Variants in C6orf62 observed in about 807,000 individuals in gnomAD.
The protein encoded by C6orf62 is uncharacterized protein C6orf62.
In C6orf62, 16 loss-of-function variants were observed where a neutral mutation model predicts 26.8. That is an observed-to-expected ratio of 0.60 (90% CI 0.40 to 0.91). The LOEUF is 0.91. Among genes scored for constraint, C6orf62 ranks in the 40% least tolerant of loss-of-function variants. The pLI, the probability that C6orf62 is intolerant of heterozygous loss-of-function variation, is 0.00. For missense variants in C6orf62, 192 were observed against 271.4 expected, an observed-to-expected ratio of 0.71 and a Z score of 2.06; for synonymous variants, 112 against 91.5, an observed-to-expected ratio of 1.22 and a Z score of -1.28.
rs1171718636 is a variant in C6orf62, at chr6:24,705,594, C to T, written c.*543G>A. On this transcript the variant is annotated 3_prime_UTR_variant, in exon 5 of 5. Transcript: ENST00000378119. ...AATGCCTACAATGAGATGCGTTTTT[C>T]ATTTAAGATTTCTTTCCCATGGTTG... 1 of 152,500 alleles carries T rather than the reference C, an allele frequency of 6.6e-6. No homozygotes were observed. The highest frequency in any genetic ancestry group is 1.5e-5 in the Non-Finnish European group (1 of 68,000). 9.4% of individuals were successfully genotyped at this position (152,500 alleles called of 1,614,324 possible).
chr6:24,716,331 G>A lies in C6orf62; in HGVS notation c.130-7C>T, dbSNP rs768505314. On this transcript the variant is annotated splice_region_variant and splice_polypyrimidine_tract_variant and intron_variant, in intron 1 of 4. Transcript: ENST00000378119. ...AAAGTGCTGACTTTTTCTTCTAGAA[G>A]AAAAGAAAATGGTGTATTAACCCAC... The A allele has an allele frequency of 1.4e-5, 22 of 1,610,718 alleles. No homozygotes were observed. The highest frequency in any genetic ancestry group is 1.6e-5 in the Non-Finnish European group (19 of 1,177,352).
At chr6:24,719,335 G>A, upstream of C6orf62, 1 of 997,576 alleles carries the variant, frequency 1.0e-6, no homozygotes, top group Non-Finnish European at 1.2e-6. Context: ...GCTTGTTATT[G>A]ATTACACTTG....
chr6:24,720,546 T>G (rs1217560275), upstream of C6orf62: 4 of 273,404 alleles, frequency 1.5e-5, no homozygotes, highest in African/African-American at 2.3e-5. Context: ...GATGGGGAGT[T>G]GGATTGGTAC....
At chr6:24,715,877 GATC>G (rs1779217692) in intron 2 of C6orf62, among the ~76,000 whole-genome samples, 1 of 142,952 alleles carries the variant, frequency 7.0e-6, no homozygotes, top group Non-Finnish European at 1.5e-5. Flanking sequence ...AAAAGTCCGA[GATC>G]ATCAACACCT....
At position 24,718,895 on chromosome 6, in the gene C6orf62, A is replaced by G. The variant is rs1779293298; in HGVS notation, c.-227T>C. Reference sequence around the variant, plus strand: ...GCTGCTGTCCAGTCATGTTTGGACAATAACGTTTGGGGTCAGACGGGAAAA... The same window carrying G: ...GCTGCTGTCCAGTCATGTTTGGACAGTAACGTTTGGGGTCAGACGGGAAAA... On this transcript the variant is annotated 5_prime_UTR_variant, in exon 1 of 5. Coordinates refer to ENST00000378119, the MANE Select transcript of C6orf62 (RefSeq NM_030939.5). The G allele has an allele frequency of 3.7e-6, 5 of 1,339,130 alleles. No homozygotes were observed. Among genetic ancestry groups the G allele is most frequent in the Non-Finnish European group, 4.8e-6 (5 of 1,049,692 alleles). 83.0% of individuals were successfully genotyped at this position (1,339,130 alleles called of 1,614,324 possible).
chr6:24,710,285 G>C (rs1291133083), intron 3 of C6orf62: 2 of 779,468 alleles, frequency 2.6e-6, no homozygotes, highest in African/African-American at 3.9e-5. Flanking sequence ...TTTTTTTTGA[G>C]ACGGAATTTC....
chr6:24,716,163 A>T lies in C6orf62; in HGVS notation c.291T>A (p.Tyr97Ter). 1 of 1,613,892 alleles carries T rather than the reference A, an allele frequency of 6.2e-7. No homozygotes were observed. The highest frequency in any genetic ancestry group is 8.5e-7 in the Non-Finnish European group (1 of 1,179,858). ...CAGAACTTACCCTTCTCATAGACTG[A>T]TATCGAGGAGCATGGAGCTGTACCA... ...KDVVQLHAPR[Y>*]QSMRRDVIGC... The change falls in exon 2 of 5, where the codon TAT becomes TAA. Residue 97 changes from tyrosine to a stop codon, truncating the protein, a stop_gained. Coordinates refer to ENST00000378119, the MANE Select transcript of C6orf62 (RefSeq NM_030939.5). LOFTEE classifies it high-confidence loss of function.
intron 1 of C6orf62, among the ~76,000 whole-genome samples, chr6:24,717,270 T>C (rs1291907152): frequency 2.0e-5 from 3 of 152,200 alleles, no homozygotes; most frequent in African/African-American, 7.2e-5. Context: ...AGATATGGTC[T>C]CACTACTTAT....
intron 3 of C6orf62, chr6:24,710,221 T>TC: frequency 1.0e-6 from 1 of 985,164 alleles, no homozygotes; most frequent in African/African-American, 1.7e-5. Context: ...CCAACTTGCT[T>TC]CAAATCCTTT....
chr6:24,717,770 A>G (rs2127636531), intron 1 of C6orf62, among the ~76,000 whole-genome samples: 1 of 152,380 alleles, frequency 6.6e-6, no homozygotes, highest in Middle Eastern at 3.4e-3. Flanking sequence ...ACTTCCTTAC[A>G]TTCATAACCT....
chr6:24,720,223 C>T, upstream of C6orf62: 1 of 1,324,978 alleles, frequency 7.5e-7, no homozygotes, highest in Non-Finnish European at 9.6e-7. Flanking sequence ...CGGACCGACT[C>T]TAGGGCGGGG....
intron 1 of C6orf62, among the ~76,000 whole-genome samples, chr6:24,718,163 C>G (rs1779271780): frequency 6.6e-6 from 1 of 152,200 alleles, no homozygotes; most frequent in Admixed American, 6.5e-5. Context: ...TATAAACAGT[C>G]TGATTACAAT....
At position 24,705,073 on chromosome 6, in the gene C6orf62, G is replaced by GA. The variant is rs10946721; in HGVS notation, c.*1063dup. 0.17 allele frequency: 23,854 copies of GA among 140,694 alleles called. 1,956 individuals are homozygous for GA. Among genetic ancestry groups the GA allele is most frequent in the South Asian group, 0.26 (1,195 of 4,556 alleles). 8.7% of individuals were successfully genotyped at this position (140,694 alleles called of 1,614,324 possible). A position where few individuals can be genotyped will look rare whatever the true frequency, so the allele number is the denominator to read the frequency against. ...CAAAGCTTTTCTTCATTTAAAAGGA[G>GA]AAAAAAAAAAAAACCTATACAGTAG... On this transcript the variant is annotated 3_prime_UTR_variant, in exon 5 of 5. Coordinates refer to ENST00000378119, the MANE Select transcript of C6orf62 (RefSeq NM_030939.5).
chr6:24,718,814 A>C lies in C6orf62; in HGVS notation c.-146T>G. On this transcript the variant is annotated 5_prime_UTR_variant, in exon 1 of 5. Transcript: ENST00000378119. Reference sequence around the variant, plus strand: ...CGAAAATCACGACTATAACCCAAAAACTGCACCTTCTGTCAATATTAGCAG... The same window carrying C: ...CGAAAATCACGACTATAACCCAAAACCTGCACCTTCTGTCAATATTAGCAG... The C allele has an allele frequency of 6.6e-7, 1 of 1,512,138 alleles. No individual in the cohort carries two copies. Among genetic ancestry groups the C allele is most frequent in the Non-Finnish European group, 8.8e-7 (1 of 1,139,450 alleles). The allele number at this position is 1,512,138 out of a possible 1,614,324, so 93.7% of individuals were successfully genotyped here.
chr6:24,720,024 C>A, upstream of C6orf62: 1 of 1,476,778 alleles, frequency 6.8e-7, no homozygotes, highest in South Asian at 1.4e-5. Flanking sequence ...CCCACCCACC[C>A]TCCCCCCAAA....
At chr6:24,713,784 C>T (rs1012198465) in intron 3 of C6orf62, among the ~76,000 whole-genome samples, 4 of 152,206 alleles carry the variant, frequency 2.6e-5, no homozygotes, top group Non-Finnish European at 4.4e-5. Flanking sequence ...AGTAAATGCC[C>T]TTAACACTAG....
In C6orf62 at chr6:24,718,521, A is replaced by T. The variant is rs1562172354; in HGVS notation, c.129+19T>A. ...CAAAAATTACTTGTGCTAATTCACC[A>T]TTAAGAACTTTAAATTACCTTCTCC... On this transcript the variant is annotated intron_variant, in intron 1 of 4. Transcript: ENST00000378119. The T allele has an allele frequency of 6.3e-7, 1 of 1,585,578 alleles. No individual in the cohort carries two copies.
intron 3 of C6orf62, among the ~76,000 whole-genome samples, chr6:24,710,943 G>C (rs1191573112): frequency 6.6e-6 from 1 of 152,040 alleles, no homozygotes; most frequent in Non-Finnish European, 1.5e-5. Context: ...AGTGAGCCAT[G>C]ACTATGCCAC....
At chr6:24,720,412 C>G, upstream of C6orf62, 1 of 1,139,820 alleles carries the variant, frequency 8.8e-7, no homozygotes. Context: ...GCGCTGCTGC[C>G]GCCGCTCAGC....
Sources: gnomAD v4.1 joint callset for allele counts (sites outside exome capture counted in the v4.1 genomes callset) on GRCh38, gnomAD v4.1.1 for gene constraint, MANE v1.5 for transcripts, NCBI Gene and HGNC (gene_info 2026-07-23, HGNC 2026-07-21) for gene names.